CDH22: variants seen among roughly 807,000 people sequenced by gnomAD.
CDH22 encodes cadherin-22.
A neutral mutation model predicts 58.4 loss-of-function variants in CDH22; 30 were observed. The ratio of observed to expected loss-of-function variants is 0.51; its 90% CI spans 0.38 to 0.70. The LOEUF is 0.70. Ranked by LOEUF, CDH22 falls within the 30% of genes least tolerant of loss-of-function variation. CDH22 has a pLI of 0.00. For missense variants in CDH22, 1,014 were observed against 1,233.9 expected, an observed-to-expected ratio of 0.82 and a Z score of 2.67; for synonymous variants, 513 against 558.2, an observed-to-expected ratio of 0.92 and a Z score of 1.14.
intron 1 of CDH22, among the ~76,000 whole-genome samples, chr20:46,277,307 T>C (rs1344651375): frequency 6.6e-6 from 1 of 152,150 alleles, no homozygotes; most frequent in Admixed American, 6.5e-5. Flanking sequence ...CATTAGAAGA[T>C]AGTGTTGGCA....
At chr20:46,240,322 G>A (rs576161848) in intron 3 of CDH22, among the ~76,000 whole-genome samples, 2 of 152,082 alleles carry the variant, frequency 1.3e-5, no homozygotes, top group African/African-American at 4.8e-5. Flanking sequence ...CCTGCCTGGG[G>A]TTGTGTGTGG....
intron 7 of CDH22, among the ~76,000 whole-genome samples, chr20:46,202,132 A>T (rs1045153233): frequency 6.6e-6 from 1 of 152,140 alleles, no homozygotes; most frequent in African/African-American, 2.4e-5. Context: ...TGTCATGCAC[A>T]AAGATACCAG....
intron 1 of CDH22, among the ~76,000 whole-genome samples, chr20:46,257,216 G>A (rs1177400281): frequency 6.6e-6 from 1 of 151,968 alleles, no homozygotes; most frequent in Non-Finnish European, 1.5e-5. Context: ...GTCTGAGGTG[G>A]AAAAGGATCA....
chr20:46,174,623 G>A lies in CDH22; in HGVS notation c.2370C>T (p.Ser790=). 1 of 1,546,932 alleles carries A rather than the reference G, an allele frequency of 6.5e-7. No individual in the cohort carries two copies. Among genetic ancestry groups the A allele is most frequent in the Non-Finnish European group, 8.7e-7 (1 of 1,151,344 alleles). The change falls in exon 12 of 12, where the codon AGC becomes AGT. Residue 790 remains serine (S), a synonymous_variant. Coordinates refer to ENST00000537909, the MANE Select transcript of CDH22 (RefSeq NM_021248.3). This position sits in a 1 kb window ranked among gnomAD's most constrained non-coding sequence, Gnocchi z 4.4. ...SPAASLSSLH[S]GSSGSEQDFA... is the part of the protein sequence containing the mutation. ...AGTCCTGCTCGGAGCCCGACGAGCC[G>A]CTGTGCAGGGAGCTGAGCGAGGCGG...
At chr20:46,297,694 TG>T (rs1418504868) in intron 1 of CDH22, among the ~76,000 whole-genome samples, 1 of 148,132 alleles carries the variant, frequency 6.8e-6, no homozygotes, top group Non-Finnish European at 1.5e-5. Context: ...ACAGGGGTTC[TG>T]GGAGGGGCTC....
chr20:46,174,698 C>A lies in CDH22; in HGVS notation c.2295G>T (p.Pro765=), dbSNP rs375133310. The stretch of plus-strand genomic sequence containing the variant: ...CGTAGGTCTGGAAGGCGTCGTAGGG[C>A]GGCACCGACAGGTCCCCGTCCGCCA... ...VALADGDLSV[P]PYDAFQTYAF... Residue 765 remains proline (P), a synonymous_variant, in exon 12 of 12, where the codon CCG becomes CCT. Coordinates refer to ENST00000537909, the MANE Select transcript of CDH22 (RefSeq NM_021248.3). The surrounding 1 kb of genome is among the most constrained non-coding windows in gnomAD (Gnocchi z 4.4). 2 of 1,558,064 alleles carry A rather than the reference C, an allele frequency of 1.3e-6. No homozygotes were observed. Among genetic ancestry groups the A allele is most frequent in the Non-Finnish European group, 1.7e-6 (2 of 1,159,696 alleles).
intron 10 of CDH22, 51 bp from the exon 11 acceptor site, chr20:46,178,248 C>T (rs1398323997): frequency 2.5e-6 from 4 of 1,580,846 alleles, no homozygotes; most frequent in Non-Finnish European, 3.4e-6. Flanking sequence ...GGGTCAGCAT[C>T]CTTGTCCTAG....
chr20:46,189,925 G>A (rs999221534), intron 8 of CDH22, among the ~76,000 whole-genome samples: 3 of 151,612 alleles, frequency 2.0e-5, no homozygotes, highest in African/African-American at 7.3e-5. Flanking sequence ...TAAAAACACC[G>A]ATGCCCAAAG....
chr20:46,206,551 G>C (rs1317992625), intron 7 of CDH22, among the ~76,000 whole-genome samples: 1 of 152,064 alleles, frequency 6.6e-6, no homozygotes, highest in Non-Finnish European at 1.5e-5. Flanking sequence ...TCCTGCCTCA[G>C]GGCCATTCTG....
rs903773660 is a variant in CDH22, at chr20:46,196,639, C to T, written c.1423+2784G>A. Among the ~76,000 whole-genome samples, 8 of 152,136 alleles carry T rather than the reference C, an allele frequency of 5.3e-5. No individual in the cohort carries two copies. The South Asian group carries it at 8.3e-4, about 16-fold the overall frequency. ...GACTGGAGGGGCAGCTGAGGAGAGC[C>T]GGGCTCTGGAGTCAGGCAGGCTGGG... On this transcript the variant is annotated intron_variant, in intron 8 of 11. Coordinates refer to ENST00000537909, the MANE Select transcript of CDH22 (RefSeq NM_021248.3).
At chr20:46,214,328 G>T (rs182551469) in intron 5 of CDH22, among the ~76,000 whole-genome samples, 6 of 152,320 alleles carry the variant, frequency 3.9e-5, no homozygotes, top group African/African-American at 7.2e-5. Flanking sequence ...CTGAAGCAGG[G>T]TCTGTGGGGA....
chr20:46,265,294 C>G (rs909129903), intron 1 of CDH22, among the ~76,000 whole-genome samples: 5 of 152,198 alleles, frequency 3.3e-5, no homozygotes, highest in Non-Finnish European at 7.3e-5. Flanking sequence ...ACCGCCTCCT[C>G]CTTGCTCTTT....
rs535687893 is a variant in CDH22 at position 46,304,192 on chromosome 20, T to C, written c.-400+4063A>G. 5.3e-5 allele frequency among the ~76,000 whole-genome samples: 8 copies of C among 152,186 alleles called. No individual in the cohort carries two copies. In the East Asian group the frequency reaches 1.5e-3, roughly 29 times the overall value. ...CCTGGTGGTCCTAACTCAATTCCCC[T>C]CCTGCAGGGGTGCAGGCAGCTGAGA... On this transcript the variant is annotated intron_variant, in intron 1 of 11. Transcript: ENST00000537909.
chr20:46,302,597 G>A (rs2086657124), intron 1 of CDH22, among the ~76,000 whole-genome samples: 1 of 152,142 alleles, frequency 6.6e-6, no homozygotes, highest in African/African-American at 2.4e-5. Context: ...AACCTTGAGA[G>A]CGCCTCAAGA....
At chr20:46,224,946 G>T (rs188578920) in intron 4 of CDH22, among the ~76,000 whole-genome samples, 1 of 152,282 alleles carries the variant, frequency 6.6e-6, no homozygotes, top group East Asian at 1.9e-4. Context: ...CTCTATGCTG[G>T]GCATCCTGGG....
chr20:46,251,184 C>A lies in CDH22; in HGVS notation c.111G>T (p.Trp37Cys). 6.5e-7 allele frequency: 1 copy of A among 1,531,334 alleles called. No individual in the cohort carries two copies. Among genetic ancestry groups the A allele is most frequent in the Admixed American group, 2.1e-5 (1 of 47,526 alleles). 94.9% of individuals were successfully genotyped at this position (1,531,334 alleles called of 1,614,324 possible). Reference sequence around the variant, plus strand: ...CCGACGGCGAGGGTGTGCCCGCTGCCCACAGGCGCCCCAGCAGCGTCGGCG... The same window carrying A: ...CCGACGGCGAGGGTGTGCCCGCTGCACACAGGCGCCCCAGCAGCGTCGGCG... ...PPPPTLLGRL[W>C]AAGTPSPSAP... The change falls in exon 2 of 12, where the codon TGG becomes TGT. Residue 37 changes from tryptophan (W) to cysteine (C), a missense_variant. Physicochemically the swap from Trp to Cys is radical, Grantham distance 215 (BLOSUM62 -2). Coordinates refer to ENST00000537909, the MANE Select transcript of CDH22 (RefSeq NM_021248.3). This position sits in a 1 kb window ranked among gnomAD's most constrained non-coding sequence, Gnocchi z 6.7.
At chr20:46,274,622 T>C (rs1168926937) in intron 1 of CDH22, among the ~76,000 whole-genome samples, 2 of 152,136 alleles carry the variant, frequency 1.3e-5, no homozygotes, top group Non-Finnish European at 2.9e-5. Context: ...TAAAAGCTCA[T>C]ACGAAAATGT....
Position 46,216,855 on chromosome 20 carries a change from A to G in CDH22, c.809T>C (p.Val270Ala). The G allele has an allele frequency of 6.2e-7, 1 of 1,604,250 alleles. No homozygotes were observed. The highest frequency in any genetic ancestry group is 8.5e-7 in the Non-Finnish European group (1 of 1,171,900). ...STTVTIVVTD[V>A]NDNPPRFPQK... is the part of the protein sequence containing the mutation. ...CGGGAAACGGGGCGGGTTGTCATTGACGTCGGTGACTACGATGGTGACGGT... is the reference window on the plus strand; with the variant it reads ...CGGGAAACGGGGCGGGTTGTCATTGGCGTCGGTGACTACGATGGTGACGGT... Residue 270 changes from valine to alanine, a missense_variant, in exon 5 of 12, where the codon GTC becomes GCC. By Grantham distance (64) the Val-to-Ala change is moderately conservative. Coordinates refer to ENST00000537909, the MANE Select transcript of CDH22 (RefSeq NM_021248.3). This position sits in a 1 kb window ranked among gnomAD's most constrained non-coding sequence, Gnocchi z 5.3.
At chr20:46,228,505 T>G (rs1332245377) in intron 3 of CDH22, among the ~76,000 whole-genome samples, 1 of 151,148 alleles carries the variant, frequency 6.6e-6, no homozygotes, top group Non-Finnish European at 1.5e-5. Flanking sequence ...TTTGACATCA[T>G]GTTCAATTTG....
Sources: allele counts gnomAD v4.1 joint callset (sites outside exome capture counted in the v4.1 genomes callset), GRCh38; gene constraint gnomAD v4.1.1; non-coding constraint Gnocchi (gnomAD v3.1); transcripts MANE v1.5; gene names NCBI Gene and HGNC (gene_info 2026-07-23, HGNC 2026-07-21).